The following GPHN variants were observed in gnomAD, a reference collection of about 807,000 sequenced individuals.
GPHN encodes the protein gephyrin.
In GPHN, 17 loss-of-function variants were observed where a neutral mutation model predicts 95.5. The ratio of observed to expected loss-of-function variants is 0.18; its 90% CI spans 0.12 to 0.27. The LOEUF (loss-of-function observed/expected upper bound fraction) is 0.27. GPHN is among the 10% of genes least tolerant of loss of function. The pLI is 1.00. For synonymous variants in GPHN, 320 were observed against 322.5 expected (o/e 0.99, Z 0.08); for missense variants, 660 against 978.1 (o/e 0.67, Z 4.34).
chr14:67,333,818 A>C, the GPHN span: 2 of 151,252 alleles, frequency 1.3e-5, no homozygotes, highest in South Asian at 2.1e-4. Context: ...TATTGACTTA[A>C]AAAGTTTCTT....
the GPHN span, among the ~76,000 whole-genome samples, chr14:67,237,692 A>T: frequency 2.0e-5 from 3 of 152,178 alleles, no homozygotes; most frequent in African/African-American, 7.2e-5. Flanking sequence ...ATTGACAGAC[A>T]ATGGGCTAAG....
At chr14:66,890,949 A>T (rs545723246) in intron 5 of GPHN, among the ~76,000 whole-genome samples, 2 of 152,252 alleles carry the variant, frequency 1.3e-5, no homozygotes, top group East Asian at 1.9e-4. Flanking sequence ...AAAAGGCCTT[A>T]TGTAAAAAAC....
chr14:67,527,141 C>T, the GPHN span, among the ~76,000 whole-genome samples: 1 of 152,192 alleles, frequency 6.6e-6, no homozygotes, highest in Non-Finnish European at 1.5e-5. Context: ...AGGGAACCCA[C>T]ACATCCCTGA....
chr14:67,722,575 C>A, the GPHN span: 1 of 1,362,298 alleles, frequency 7.3e-7, no homozygotes. Context: ...AGACCAGGAA[C>A]CTGAGCCAGA....
At chr14:67,722,701 C>T in the GPHN span, 9 of 1,613,522 alleles carry the variant, frequency 5.6e-6, no homozygotes, top group East Asian at 2.0e-4. Context: ...ATGGTAGCTC[C>T]ATCCATCAGG....
chr14:67,477,765 C>A, the GPHN span, among the ~76,000 whole-genome samples: 1 of 152,322 alleles, frequency 6.6e-6, no homozygotes, highest in South Asian at 2.1e-4. Flanking sequence ...GACTCTGTCT[C>A]TAAAAAATAA....
At chr14:67,240,401 G>A in the GPHN span, among the ~76,000 whole-genome samples, 1 of 152,268 alleles carries the variant, frequency 6.6e-6, no homozygotes, top group South Asian at 2.1e-4. Context: ...GAGGAAAACC[G>A]AGAGAAATGG....
intron 3 of GPHN, among the ~76,000 whole-genome samples, chr14:66,790,532 A>G (rs117623135): frequency 0.012 from 1,794 of 152,338 alleles, 17 homozygotes; most frequent in Non-Finnish European, 0.018. Context: ...GAATCCCAAA[A>G]TTCCTATTTC....
intron 2 of GPHN, among the ~76,000 whole-genome samples, chr14:66,732,682 A>T (rs1445688393): frequency 7.8e-6 from 1 of 128,602 alleles, no homozygotes; most frequent in East Asian, 2.5e-4. Flanking sequence ...ACACCTGGCT[A>T]ATTTTTGTAT....
At chr14:66,796,937 T>C (rs2060177699) in intron 3 of GPHN, among the ~76,000 whole-genome samples, 1 of 151,932 alleles carries the variant, frequency 6.6e-6, no homozygotes, top group Non-Finnish European at 1.5e-5. Flanking sequence ...TTTCTTGTAG[T>C]TTCATAGTTT....
chr14:67,412,134 C>A, the GPHN span: 6 of 1,281,448 alleles, frequency 4.7e-6, no homozygotes, highest in Middle Eastern at 4.0e-4. Flanking sequence ...CCGCGCAGCC[C>A]GCGCAGTCCG....
chr14:67,290,798 G>T, the GPHN span, among the ~76,000 whole-genome samples: 1 of 152,172 alleles, frequency 6.6e-6, no homozygotes, highest in Admixed American at 6.5e-5. Flanking sequence ...GTTTCCCAAA[G>T]TGCTGGGGTT....
the GPHN span, among the ~76,000 whole-genome samples, chr14:67,381,364 AG>A: frequency 2.8e-4 from 41 of 146,302 alleles, no homozygotes; most frequent in Non-Finnish European, 4.7e-4. Context: ...TCTGAGTCAA[AG>A]GGTAATGCAA....
In GPHN at chr14:67,110,090, C is replaced by T. The variant is rs2078281639; in HGVS notation, c.1294-50C>T. The T allele has an allele frequency of 3.2e-6, 5 of 1,567,114 alleles. No individual in the cohort carries two copies. The East Asian group carries it at 1.1e-4, about 35-fold the overall frequency. On this transcript the variant is annotated intron_variant, in intron 13 of 22. Transcript: ENST00000478722. ...AAATTAACATCCTCTGCAGACTTTTCCTTTGCAGCAGCAAAGTACATCAAC... is the reference window on the plus strand; with the variant it reads ...AAATTAACATCCTCTGCAGACTTTTTCTTTGCAGCAGCAAAGTACATCAAC...
At chr14:67,287,901 T>C in the GPHN span, among the ~76,000 whole-genome samples, 3 of 152,168 alleles carry the variant, frequency 2.0e-5, no homozygotes, top group Admixed American at 2.0e-4. Flanking sequence ...CTTTGGTACA[T>C]AGGAGAGATT....
chr14:67,382,518 C>T, the GPHN span: 1 of 1,613,254 alleles, frequency 6.2e-7, no homozygotes, highest in Non-Finnish European at 8.5e-7. Flanking sequence ...GCCTTTCTGT[C>T]CTCAGTCAAG....
At chr14:67,009,804 G>T (rs1438013830) in intron 9 of GPHN, among the ~76,000 whole-genome samples, 3 of 151,978 alleles carry the variant, frequency 2.0e-5, no homozygotes, top group South Asian at 4.2e-4. Flanking sequence ...AGACACCCAG[G>T]TTGGTGTGCA....
At chr14:67,391,973 CAGA>C in the GPHN span, among the ~76,000 whole-genome samples, 796 of 152,312 alleles carry the variant, frequency 5.2e-3, 6 homozygotes, top group African/African-American at 0.017. Flanking sequence ...CCCCAAGGAA[CAGA>C]AGGCCAGCAA....
chr14:67,193,320 CTATA>C, the GPHN span, among the ~76,000 whole-genome samples: 3 of 136,790 alleles, frequency 2.2e-5, no homozygotes, highest in African/African-American at 5.3e-5. Context: ...ATATAGATAT[CTATA>C]TATCTCTATA....
Sources: gnomAD v4.1 joint callset for allele counts (sites outside exome capture counted in the v4.1 genomes callset) on GRCh38, gnomAD v4.1.1 for gene constraint, MANE v1.5 for transcripts, NCBI Gene and HGNC (gene_info 2026-07-23, HGNC 2026-07-21) for gene names.